Variants in COPG1 observed in about 807,000 individuals in gnomAD.
COPG1 encodes the protein coat protein complex I subunit gamma 1, also known as coatomer subunit gamma-1.
In COPG1, 29 loss-of-function variants were observed where a neutral mutation model predicts 102.8. The ratio of observed to expected loss-of-function variants is 0.28; its 90% confidence interval spans 0.21 to 0.38. The LOEUF (loss-of-function observed/expected upper bound fraction) is 0.38, where lower values mean the gene tolerates loss of function less well. Among genes scored for constraint, COPG1 ranks in the 10% least tolerant of loss-of-function variants. The pLI, the probability that COPG1 is intolerant of heterozygous loss-of-function variation, is 1.00. For synonymous variants in COPG1, 406 were observed against 421.6 expected (o/e 0.96, Z 0.45); for missense variants, 875 against 1,132.7 (o/e 0.77, Z 3.27).
intron 1 of COPG1, 110 bp from the exon 2 acceptor site, chr3:129,250,572 T>G: frequency 2.3e-6 from 2 of 855,372 alleles, no homozygotes; most frequent in South Asian, 1.5e-5. Flanking sequence ...TCCTGAGGAG[T>G]TTGAACTTTA....
At position 129,254,994 on chromosome 3, in the gene COPG1, C is replaced by G. The variant is rs1046093491; in HGVS notation, c.409C>G (p.Leu137Val). 29 of 1,613,890 alleles carry G rather than the reference C, an allele frequency of 1.8e-5. No individual in the cohort carries two copies. Among genetic ancestry groups the G allele is most frequent in the Non-Finnish European group, 2.5e-5 (29 of 1,179,880 alleles). Residue 137 changes from leucine (L) to valine (V), a missense_variant, in exon 7 of 24, where the codon CTG (leucine) becomes GTG (valine). Transcript: ENST00000314797. ...CTCCTTTTGCCCACAGAGCACCATG[C>G]TGCAGGCTATTGAGCGCTACATGAA... ...ALCQITDSTM[L>V]QAIERYMKQA...
At chr3:129,261,451 A>C (rs1364124392) in intron 12 of COPG1, among the ~76,000 whole-genome samples, 2 of 152,236 alleles carry the variant, frequency 1.3e-5, no homozygotes, top group African/African-American at 4.8e-5. Context: ...GGGCTCAATC[A>C]TGTAAGGCCC....
intron 21 of COPG1, among the ~76,000 whole-genome samples, 186 bp downstream of exon 21, chr3:129,273,090 T>G (rs574622357): frequency 1.3e-5 from 2 of 152,346 alleles, no homozygotes; most frequent in East Asian, 3.9e-4. Context: ...TGGCGCGATC[T>G]CGGCTCACTG....
chr3:129,251,069 G>A (rs953783555), intron 2 of COPG1, among the ~76,000 whole-genome samples: 36 of 151,058 alleles, frequency 2.4e-4, no homozygotes, highest in Middle Eastern at 3.4e-3. Flanking sequence ...GACTACAGAC[G>A]CCCGCCACCA....
chr3:129,252,115 T>C (rs1285117908), intron 2 of COPG1, among the ~76,000 whole-genome samples, 166 bp from the exon 3 acceptor site: 1 of 152,186 alleles, frequency 6.6e-6, no homozygotes, highest in African/African-American at 2.4e-5. Flanking sequence ...TAATTAGTAG[T>C]TGATTAAAGA....
At position 129,252,366 on chromosome 3, in the gene COPG1, CAG is replaced by C. The variant is rs750855746; in HGVS notation, c.171+6_171+7del. 14 of 1,598,128 alleles carry C rather than the reference CAG, an allele frequency of 8.8e-6. No individual in the cohort carries two copies. The African/African-American group carries it at 1.7e-4, about 20-fold the overall frequency. Reference sequence around the variant, plus strand: ...ATTCTTTATCTCATAAACCAGGTAACAGGGTGAAGCTTGCGGGTAGGGAGAAT... The same window carrying C: ...ATTCTTTATCTCATAAACCAGGTAACGGTGAAGCTTGCGGGTAGGGAGAAT... On this transcript the variant is annotated splice_donor_region_variant and intron_variant, in intron 3 of 23. Coordinates refer to ENST00000314797, the MANE Select transcript of COPG1 (RefSeq NM_016128.4).
chr3:129,270,048 G>T (rs1421975568), intron 18 of COPG1, among the ~76,000 whole-genome samples: 2 of 143,528 alleles, frequency 1.4e-5, no homozygotes, highest in African/African-American at 5.1e-5. Flanking sequence ...CACACTCCTG[G>T]CCTTTTCAAA....
intron 17 of COPG1, 135 bp from the exon 18 acceptor site, chr3:129,268,797 T>C (rs1940121824): frequency 1.8e-6 from 2 of 1,082,374 alleles, no homozygotes; most frequent in Non-Finnish European, 2.8e-6. Context: ...AGACGTGGGC[T>C]CTCTCACATG....
In COPG1 at chr3:129,255,969, G is replaced by A. The variant is rs1254853647; in HGVS notation, c.493-99G>A. ...GGTCTCTGAGGACCAGGACAGTGGC[G>A]AGCCCCTGAGCTGTGTCTGAGGGAA... On this transcript the variant is annotated intron_variant, in intron 7 of 23. Transcript: ENST00000314797. The A allele has an allele frequency of 8.3e-6, 8 of 960,650 alleles. No individual in the cohort carries two copies. The East Asian group carries it at 1.2e-4, about 15-fold the overall frequency. 59.5% of individuals were successfully genotyped at this position (960,650 alleles called of 1,614,324 possible). A position where few individuals can be genotyped will look rare whatever the true frequency, so the allele number is the denominator to read the frequency against.
chr3:129,273,021 T>G, intron 21 of COPG1, 117 bp downstream of exon 21: 3 of 460,580 alleles, frequency 6.5e-6, no homozygotes, highest in Non-Finnish European at 7.9e-6. Flanking sequence ...AAAATTTTAT[T>G]TTTTTATTTT....
chr3:129,263,081 G>A (rs972743870), intron 12 of COPG1, among the ~76,000 whole-genome samples: 2 of 151,236 alleles, frequency 1.3e-5, no homozygotes, highest in Non-Finnish European at 2.9e-5. Flanking sequence ...TAAAGAGACT[G>A]TTGGAGTAAT....
intron 5 of COPG1, 44 bp downstream of exon 5, chr3:129,252,999 G>C: frequency 6.5e-7 from 1 of 1,544,082 alleles, no homozygotes; most frequent in Non-Finnish European, 8.9e-7. Context: ...GGGTTCCATT[G>C]ACAGACCATT....
chr3:129,255,117 GA>G, intron 7 of COPG1, 40 bp downstream of exon 7: 1 of 1,259,226 alleles, frequency 7.9e-7, no homozygotes, highest in Non-Finnish European at 1.2e-6. Context: ...GGGTGGGGTA[GA>G]AAATTGAAGA....
chr3:129,272,375 C>CT lies in COPG1; in HGVS notation c.2119dup (p.Tyr707LeufsTer30), dbSNP rs1263124523. The CT allele has an allele frequency of 5.0e-6, 8 of 1,614,068 alleles. No homozygotes were observed. The highest frequency in any genetic ancestry group is 5.9e-6 in the Non-Finnish European group (7 of 1,179,984). On this transcript the variant is annotated frameshift_variant, in exon 20 of 24. Transcript: ENST00000314797. LOFTEE classifies it high-confidence loss of function. ...TGCCCTACAACCAGCCCGGGACCTG[C>CT]TACACACTGGTGGCACTGCCCAAAG...
At chr3:129,250,912 CTTTTTTTTTTT>C (rs10706690) in intron 2 of COPG1, 178 bp downstream of exon 2, 19 of 202,522 alleles carry the variant, frequency 9.4e-5, no homozygotes, top group South Asian at 1.6e-4. Context: ...ATGCTTACTT[CTTTTTTTTTTT>C]TTTTTTTTTT....
chr3:129,268,467 A>G lies in COPG1; in HGVS notation c.1649-28A>G, dbSNP rs527760584. ...TGGTGCACATTTTGCTCTATCTGCC[A>G]GGCATGGTGACCTCTCTTCACCTCC... On this transcript the variant is annotated intron_variant, in intron 16 of 23. Transcript: ENST00000314797. 3.1e-5 allele frequency: 50 copies of G among 1,610,992 alleles called. No individual in the cohort carries two copies. In the Middle Eastern group the frequency reaches 5.0e-4, roughly 16 times the overall value.
chr3:129,257,582 T>C lies in COPG1; in HGVS notation c.692T>C (p.Met231Thr), dbSNP rs545183134. 4.3e-6 allele frequency: 7 copies of C among 1,614,204 alleles called. No individual in the cohort carries two copies. The Admixed American group carries it at 1.2e-4, about 27-fold the overall frequency. ...HGLKSPFAYCMMIRVASKQLE... is the reference protein window; with the variant it reads ...HGLKSPFAYCTMIRVASKQLE... ...CTTAAGTCTCCCTTTGCCTACTGCATGATGATCCGGGTGGCCAGCAAGCAG... is the reference window on the plus strand; with the variant it reads ...CTTAAGTCTCCCTTTGCCTACTGCACGATGATCCGGGTGGCCAGCAAGCAG... Residue 231 changes from methionine (M) to threonine (T), a missense_variant, in exon 9 of 24, where the codon ATG (methionine) becomes ACG (threonine). Transcript: ENST00000314797.
intron 12 of COPG1, among the ~76,000 whole-genome samples, chr3:129,263,119 G>A (rs948198936): frequency 9.9e-5 from 15 of 152,154 alleles, no homozygotes; most frequent in African/African-American, 2.4e-4. Flanking sequence ...TGCCTGAACC[G>A]GCGGGAGTAG....
Position 129,249,756 on chromosome 3 carries a change from C to T in COPG1, c.37+10C>T, listed in dbSNP as rs894029617. ...AAGGATGAGGAGTCAGGTGAGGGGGCCAGGCCTGGGTCTGAGGGAGGCCGG... is the reference window on the plus strand; with the variant it reads ...AAGGATGAGGAGTCAGGTGAGGGGGTCAGGCCTGGGTCTGAGGGAGGCCGG... On this transcript the variant is annotated intron_variant, in intron 1 of 23. Coordinates refer to ENST00000314797, the MANE Select transcript of COPG1 (RefSeq NM_016128.4). The T allele has an allele frequency of 2.6e-6, 4 of 1,550,900 alleles. No individual in the cohort carries two copies. Among genetic ancestry groups the T allele is most frequent in the Non-Finnish European group, 3.5e-6 (4 of 1,146,662 alleles).
Sources: allele counts gnomAD v4.1 joint callset (sites outside exome capture counted in the v4.1 genomes callset), GRCh38; gene constraint gnomAD v4.1.1; transcripts MANE v1.5; gene names NCBI Gene and HGNC (gene_info 2026-07-23, HGNC 2026-07-21).